CHD1L: variants seen among roughly 807,000 people sequenced by gnomAD.
CHD1L encodes the protein chromodomain helicase DNA binding protein 1 like, also known as ATP-dependent chromatin remodeler CHD1L.
In CHD1L, 118 loss-of-function variants were observed where a neutral mutation model predicts 115.9. The observed-to-expected ratio is 1.02, with a 90% CI of 0.88 to 1.19. The LOEUF (loss-of-function observed/expected upper bound fraction) is 1.19. Among genes scored for constraint, CHD1L ranks in the 50% most tolerant of loss-of-function variants. The probability of loss-of-function intolerance (pLI) is 0.00; values close to 1 mark genes in which losing one functional copy is unlikely to be tolerated. For missense variants in CHD1L, 1,179 were observed against 1,065.3 expected (o/e 1.11, Z -1.49); for synonymous variants, 411 against 387.1 (o/e 1.06, Z -0.72).
chr1:147,274,174 C>T (rs1309419862), intron 12 of CHD1L, among the ~76,000 whole-genome samples: 1 of 152,180 alleles, frequency 6.6e-6, no homozygotes, highest in Non-Finnish European at 1.5e-5. Context: ...AGTCCCTTAC[C>T]CTCCCTTTCA....
In CHD1L at chr1:147,270,988, A is replaced by G. The variant is rs1553952556; in HGVS notation, c.1142A>G (p.Asp381Gly). The G allele has an allele frequency of 6.2e-7, 1 of 1,614,040 alleles. No individual in the cohort carries two copies. The highest frequency in any genetic ancestry group is 8.5e-7 in the Non-Finnish European group (1 of 1,179,930). The change falls in exon 11 of 23, where the codon GAC becomes GGC. Residue 381 changes from aspartate to glycine, a missense_variant. Asp to Gly is a moderately conservative substitution (Grantham distance 94). Transcript: ENST00000369258. ...ACCCAGATGTTGGATATTCTCCAAG[A>G]CTATATGGATTACAGAGGTGACACC... ...QMTQMLDILQ[D>G]YMDYRGYSYE...
chr1:147,178,611 A>G, the CHD1L span: 207 of 1,598,886 alleles, frequency 1.3e-4, no homozygotes, highest in East Asian at 3.7e-3. Flanking sequence ...CATTCAGTGA[A>G]GCTCACTCCG....
chr1:147,262,917 G>C (rs1672479031), intron 6 of CHD1L, among the ~76,000 whole-genome samples: 1 of 152,052 alleles, frequency 6.6e-6, no homozygotes, highest in Non-Finnish European at 1.5e-5. Context: ...AATGGTGTAT[G>C]TGCTGCCATA....
At chr1:147,182,714 C>T in the CHD1L span, among the ~76,000 whole-genome samples, 5 of 151,958 alleles carry the variant, frequency 3.3e-5, no homozygotes, top group Admixed American at 1.3e-4. Flanking sequence ...GTTATGGGTG[C>T]GTCAAAGGAG....
the CHD1L span, among the ~76,000 whole-genome samples, chr1:147,198,866 A>AG: frequency 8.2e-5 from 12 of 145,926 alleles, no homozygotes; most frequent in Non-Finnish European, 1.2e-4. Context: ...AAAAAAAAAA[A>AG]AAAAAAAAAG....
At chr1:147,203,510 G>A in the CHD1L span, 53,079 of 866,642 alleles carry the variant, frequency 0.061, 2,400 homozygotes, top group East Asian at 0.2. Context: ...CCTTCTTGAG[G>A]TACTGCATAA....
intron 1 of CHD1L, among the ~76,000 whole-genome samples, chr1:147,247,482 T>C: frequency 6.6e-6 from 1 of 152,162 alleles, no homozygotes; most frequent in South Asian, 2.1e-4. Flanking sequence ...CCATGTGATC[T>C]CTGTACATGC....
chr1:147,186,995 C>T, the CHD1L span: 1 of 1,614,190 alleles, frequency 6.2e-7, no homozygotes, highest in Non-Finnish European at 8.5e-7. Flanking sequence ...CTTTCAACTA[C>T]TCTTGTCATC....
the CHD1L span, chr1:147,190,390 C>A: frequency 1.8e-6 from 1 of 567,016 alleles, no homozygotes; most frequent in Non-Finnish European, 3.1e-6. Flanking sequence ...TTCACTTGAT[C>A]ACCTTACCAC....
At chr1:147,250,366 T>C (rs1249162269) in intron 1 of CHD1L, among the ~76,000 whole-genome samples, 1 of 152,222 alleles carries the variant, frequency 6.6e-6, no homozygotes, top group Non-Finnish European at 1.5e-5. Context: ...TGTCTTTGTC[T>C]GATGCTGCTC....
At chr1:147,279,147 T>C (rs1417982991) in intron 14 of CHD1L, among the ~76,000 whole-genome samples, 1 of 152,182 alleles carries the variant, frequency 6.6e-6, no homozygotes, top group African/African-American at 2.4e-5. Context: ...GTGAGCTGTC[T>C]ATTGTTTCTT....
chr1:147,223,622 GA>G, the CHD1L span: 1 of 158,436 alleles, frequency 6.3e-6, no homozygotes, highest in Admixed American at 6.5e-5. Flanking sequence ...GAAGCAGGAA[GA>G]CAAAAAAGTT....
chr1:147,256,245 A>G (rs1021496272), intron 4 of CHD1L, among the ~76,000 whole-genome samples: 5 of 152,126 alleles, frequency 3.3e-5, no homozygotes, highest in Admixed American at 6.5e-5. Context: ...CTGAGGAATC[A>G]CGTCTGTTAC....
the CHD1L span, chr1:147,203,151 A>G: frequency 1.9e-6 from 1 of 531,480 alleles, no homozygotes; most frequent in South Asian, 2.9e-5. Context: ...GTTTATTATA[A>G]CATCCAGCCA....
the CHD1L span, chr1:147,204,190 G>T: frequency 1.5e-6 from 2 of 1,359,554 alleles, no homozygotes; most frequent in Non-Finnish European, 2.1e-6. Flanking sequence ...CTGTTATCAT[G>T]CCATCAAAAG....
intron 18 of CHD1L, among the ~76,000 whole-genome samples, chr1:147,287,104 GT>G (rs1553966635): frequency 2.0e-5 from 3 of 152,176 alleles, no homozygotes; most frequent in African/African-American, 7.2e-5. Flanking sequence ...GGCAGCAGGG[GT>G]TTTTTCTTGT....
the CHD1L span, chr1:147,212,537 T>C: frequency 6.2e-7 from 1 of 1,610,078 alleles, no homozygotes; most frequent in Non-Finnish European, 8.5e-7. Flanking sequence ...TCTCAATTCC[T>C]GCAAGAGAAG....
At chr1:147,205,559 T>G in the CHD1L span, among the ~76,000 whole-genome samples, 1 of 152,212 alleles carries the variant, frequency 6.6e-6, no homozygotes, top group South Asian at 2.1e-4. Context: ...AAAGAGAGAA[T>G]TATTTCTTAT....
At chr1:147,273,109 A>G (rs1676917503) in intron 12 of CHD1L, among the ~76,000 whole-genome samples, 1 of 152,202 alleles carries the variant, frequency 6.6e-6, no homozygotes, top group Non-Finnish European at 1.5e-5. Flanking sequence ...AGGCTGAGGC[A>G]GGAGAACCGC....
Sources: allele counts gnomAD v4.1 joint callset (sites outside exome capture counted in the v4.1 genomes callset), GRCh38; gene constraint gnomAD v4.1.1; transcripts MANE v1.5; gene names NCBI Gene and HGNC (gene_info 2026-07-23, HGNC 2026-07-21).